Variants in MAGI3 observed in about 807,000 individuals in gnomAD.
The protein encoded by MAGI3 is membrane associated guanylate kinase, WW and PDZ domain containing 3.
MAGI3 carries 43 observed loss-of-function variants against 121.8 expected under a neutral mutation model. The ratio of observed to expected loss-of-function variants is 0.35; its 90% CI spans 0.28 to 0.46. The LOEUF is 0.46. Among genes scored for constraint, MAGI3 ranks in the 20% least tolerant of loss-of-function variants. The pLI, the probability that MAGI3 is intolerant of heterozygous loss-of-function variation, is 1.00. For missense variants in MAGI3, 1,547 were observed against 1,797.3 expected, an observed-to-expected ratio of 0.86 and a Z score of 2.52; for synonymous variants, 553 against 639.3, an observed-to-expected ratio of 0.86 and a Z score of 2.04.
At chr1:113,592,099 A>C (rs1648723670) in intron 5 of MAGI3, among the ~76,000 whole-genome samples, 1 of 152,144 alleles carries the variant, frequency 6.6e-6, no homozygotes, top group African/African-American at 2.4e-5. Context: ...CAAACTTAAA[A>C]ATTTCTGCAT....
intron 1 of MAGI3, among the ~76,000 whole-genome samples, chr1:113,466,887 C>G (rs1655315929): frequency 6.6e-6 from 1 of 151,756 alleles, no homozygotes; most frequent in African/African-American, 2.4e-5. Context: ...TTTTACAAAA[C>G]CAACTTTTTG....
intron 16 of MAGI3, among the ~76,000 whole-genome samples, chr1:113,670,886 G>A (rs948006462): frequency 2.0e-5 from 3 of 152,196 alleles, no homozygotes; most frequent in Non-Finnish European, 2.9e-5. Flanking sequence ...CTTGCTCAGA[G>A]TTCATGGTCT....
chr1:113,571,992 C>A (rs921803691), intron 2 of MAGI3, among the ~76,000 whole-genome samples: 1 of 152,148 alleles, frequency 6.6e-6, no homozygotes, highest in Non-Finnish European at 1.5e-5. Flanking sequence ...GAGAATGCTT[C>A]CAGCTTTTGT....
intron 15 of MAGI3, 30 bp from the exon 16 acceptor site, chr1:113,659,050 T>C: frequency 1.3e-6 from 2 of 1,534,930 alleles, no homozygotes; most frequent in East Asian, 2.3e-5. Flanking sequence ...TCTTAAATAA[T>C]TGAAAAACCT....
intron 14 of MAGI3, among the ~76,000 whole-genome samples, chr1:113,653,095 G>A (rs1470797673): frequency 1.3e-5 from 2 of 152,172 alleles, no homozygotes; most frequent in Admixed American, 1.3e-4. Context: ...TGTACAGGTA[G>A]CAAACTGTTA....
chr1:113,574,074 CTG>C (rs1647474965), intron 2 of MAGI3, among the ~76,000 whole-genome samples: 1 of 152,046 alleles, frequency 6.6e-6, no homozygotes, highest in South Asian at 2.1e-4. Context: ...TATTTTGAGC[CTG>C]TGTGTGTCTC....
Position 113,683,830 on chromosome 1 carries a change from CA to C in MAGI3, c.4265del (p.Asn1422ThrfsTer11). ...CAAGAACCTGAAGAGAAGGTAGTTTCAAACAAAACAGAAGATCACAAAGGGA... is the reference window on the plus strand; with the variant it reads ...CAAGAACCTGAAGAGAAGGTAGTTTCAACAAAACAGAAGATCACAAAGGGA... ...LKQEPEEKVV[S>X]NKTEDHKGKE... On this transcript the variant is annotated frameshift_variant, in exon 21 of 21. Transcript: ENST00000307546. LOFTEE classifies it low-confidence loss of function (END_TRUNC). 1 of 1,611,614 alleles carries C rather than the reference CA, an allele frequency of 6.2e-7. No homozygotes were observed. Among genetic ancestry groups the C allele is most frequent in the Non-Finnish European group, 8.5e-7 (1 of 1,178,866 alleles).
chr1:113,563,254 C>T (rs1230994717), intron 2 of MAGI3, among the ~76,000 whole-genome samples: 1 of 152,116 alleles, frequency 6.6e-6, no homozygotes, highest in Non-Finnish European at 1.5e-5. Flanking sequence ...AAATTCAACT[C>T]CCATTTATGA....
intron 12 of MAGI3, 76 bp from the exon 13 acceptor site, chr1:113,649,161 A>G: frequency 8.9e-7 from 1 of 1,127,328 alleles, no homozygotes; most frequent in Non-Finnish European, 1.3e-6. Flanking sequence ...ATAATATCCT[A>G]CTAAATACTG....
At chr1:113,471,135 A>C (rs551890470) in intron 1 of MAGI3, among the ~76,000 whole-genome samples, 5 of 152,352 alleles carry the variant, frequency 3.3e-5, no homozygotes, top group African/African-American at 1.2e-4. Context: ...TGGACCTACC[A>C]GATATATAAA....
In MAGI3 at chr1:113,614,593, A is replaced by T. The variant is rs1217910971; in HGVS notation, c.1019-8A>T. The T allele has an allele frequency of 5.0e-6, 8 of 1,604,266 alleles. No individual in the cohort carries two copies. The highest frequency in any genetic ancestry group is 6.8e-6 in the Non-Finnish European group (8 of 1,172,662). ...TCTGGCATTTCACTCAATTTTCTTT[A>T]TTTACAGAGCTTCCTTATGGCTGGG... is the stretch of plus-strand genomic sequence containing the variant. On this transcript the variant is annotated splice_region_variant and splice_polypyrimidine_tract_variant and intron_variant, in intron 6 of 20. Coordinates refer to ENST00000307546, the MANE Select transcript of MAGI3 (RefSeq NM_001142782.2).
intron 3 of MAGI3, among the ~76,000 whole-genome samples, chr1:113,582,947 G>A (rs1410076531): frequency 6.6e-6 from 1 of 151,302 alleles, no homozygotes; most frequent in Non-Finnish European, 1.5e-5. Context: ...TTGAAATATT[G>A]AATAGTTGGC....
chr1:113,641,032 A>C (rs1384694349), intron 9 of MAGI3, among the ~76,000 whole-genome samples: 1 of 10,536 alleles, frequency 9.5e-5, no homozygotes, highest in East Asian at 4.9e-4. Context: ...AATATATATG[A>C]TATATATAAT....
intron 1 of MAGI3, chr1:113,449,554 C>T: frequency 1.6e-6 from 1 of 620,702 alleles, no homozygotes; most frequent in East Asian, 2.7e-5. Context: ...CAGAGTAGAT[C>T]CTGGAGATTC....
rs1231558113 is a variant in MAGI3 at position 113,602,980 on chromosome 1, A to ATG, written c.1018+8424_1018+8425dup. ...TGTGTATGTATACACATATATATAT[A>ATG]TGTGTATACATACACAGAAGATCAA... On this transcript the variant is annotated intron_variant, in intron 6 of 20. Transcript: ENST00000307546. Among the ~76,000 whole-genome samples, 4 of 152,020 alleles carry ATG rather than the reference A, an allele frequency of 2.6e-5. No homozygotes were observed. The East Asian group carries it at 7.7e-4, about 29-fold the overall frequency.
chr1:113,492,611 C>T (rs937132455), intron 1 of MAGI3, among the ~76,000 whole-genome samples: 1 of 152,162 alleles, frequency 6.6e-6, no homozygotes, highest in Non-Finnish European at 1.5e-5. Context: ...TAAATTATCT[C>T]TTTTTGCAGA....
At chr1:113,453,057 A>G (rs1456741913) in intron 1 of MAGI3, among the ~76,000 whole-genome samples, 8 of 152,206 alleles carry the variant, frequency 5.3e-5, no homozygotes, top group African/African-American at 1.9e-4. Flanking sequence ...ATAAGCACAT[A>G]TGTTACAAGT....
chr1:113,684,114 A>ATC lies in MAGI3; in HGVS notation c.*101_*102insCT. Reference sequence around the variant, plus strand: ...TTTTTTTTCAGATATTCTGAAACAGATAAGTACATGTTAATGTGAGCCTCA... The same window carrying ATC: ...TTTTTTTTCAGATATTCTGAAACAGATCTAAGTACATGTTAATGTGAGCCTCA... On this transcript the variant is annotated 3_prime_UTR_variant, in exon 21 of 21. Transcript: ENST00000307546. 3 of 1,308,464 alleles carry ATC rather than the reference A, an allele frequency of 2.3e-6. No individual in the cohort carries two copies. In the South Asian group the frequency reaches 4.9e-5, roughly 21 times the overall value. The allele number at this position is 1,308,464 out of a possible 1,614,324, so 81.1% of individuals were successfully genotyped here. A position where few individuals can be genotyped will look rare whatever the true frequency, so the allele number is the denominator to read the frequency against.
intron 2 of MAGI3, among the ~76,000 whole-genome samples, chr1:113,568,104 G>A (rs991382473): frequency 6.6e-6 from 1 of 151,982 alleles, no homozygotes; most frequent in Non-Finnish European, 1.5e-5. Flanking sequence ...TGCCCAGAGT[G>A]GAGGACTACA....
Sources: gnomAD v4.1 joint callset for allele counts (sites outside exome capture counted in the v4.1 genomes callset) on GRCh38, gnomAD v4.1.1 for gene constraint, MANE v1.5 for transcripts, NCBI Gene and HGNC (gene_info 2026-07-23, HGNC 2026-07-21) for gene names.